The following AK8 variants were observed in gnomAD, a reference collection of about 807,000 sequenced individuals.
The protein encoded by AK8 is adenylate kinase 8.
Under a neutral mutation model 54.6 loss-of-function variants are expected in AK8, and 44 were observed. That is an observed-to-expected ratio of 0.81 (90% confidence interval 0.63 to 1.04). The LOEUF (loss-of-function observed/expected upper bound fraction) is 1.04. AK8 is among the 50% of genes least tolerant of loss of function. The pLI, the probability that AK8 is intolerant of heterozygous loss-of-function variation, is 0.00. For missense variants in AK8, 555 were observed against 613.6 expected, an observed-to-expected ratio of 0.90 and a Z score of 1.01; for synonymous variants, 239 against 245.6, an observed-to-expected ratio of 0.97 and a Z score of 0.25.
chr9:132,726,899 G>A (rs111704679), intron 12 of AK8, among the ~76,000 whole-genome samples: 95 of 123,178 alleles, frequency 7.7e-4, no homozygotes, highest in African/African-American at 2.6e-3. Flanking sequence ...CCACTCCTGC[G>A]TCCCTACCAA....
chr9:132,748,966 C>T (rs1300053847), intron 11 of AK8, among the ~76,000 whole-genome samples: 1 of 151,836 alleles, frequency 6.6e-6, no homozygotes, highest in African/African-American at 2.4e-5. Flanking sequence ...CCTCCGCCTC[C>T]CGGGTTCAAG....
intron 3 of AK8, 113 bp downstream of exon 3, chr9:132,866,791 G>A (rs978447390): frequency 2.9e-6 from 3 of 1,042,072 alleles, no homozygotes; most frequent in Non-Finnish European, 4.4e-6. Context: ...GGAGGAGAAG[G>A]AAAAGAAGAA....
intron 11 of AK8, among the ~76,000 whole-genome samples, chr9:132,751,279 G>A (rs1445006399): frequency 6.6e-6 from 1 of 150,834 alleles, no homozygotes; most frequent in Non-Finnish European, 1.5e-5. Flanking sequence ...AGCTACTCAG[G>A]AGGCTGAGGC....
intron 10 of AK8, among the ~76,000 whole-genome samples, chr9:132,812,818 T>G (rs1325005324): frequency 6.6e-6 from 1 of 152,142 alleles, no homozygotes; most frequent in Non-Finnish European, 1.5e-5. Flanking sequence ...TGGTGCCTCC[T>G]ACATCCACCT....
chr9:132,760,058 G>A (rs1838380359), intron 11 of AK8, among the ~76,000 whole-genome samples: 1 of 152,206 alleles, frequency 6.6e-6, no homozygotes, highest in Non-Finnish European at 1.5e-5. Flanking sequence ...CCATGAACGA[G>A]ACATTGCCTC....
Position 132,810,180 on chromosome 9 carries a change from T to C in AK8, c.979+4458A>G, listed in dbSNP as rs185841143. Among the ~76,000 whole-genome samples, 9 of 152,356 alleles carry C rather than the reference T, an allele frequency of 5.9e-5. No homozygotes were observed. The South Asian group carries it at 6.2e-4, about 11-fold the overall frequency. ...GAATTTATTGCTTCCGTTAGGGAGA[T>C]ATGATATTGGTTGTTGTTGTGTCTT... On this transcript the variant is annotated intron_variant, in intron 10 of 12. Transcript: ENST00000298545.
At chr9:132,801,179 C>T (rs756123136) in intron 10 of AK8, among the ~76,000 whole-genome samples, 5 of 152,128 alleles carry the variant, frequency 3.3e-5, no homozygotes, top group Admixed American at 6.5e-5. Flanking sequence ...CTGCCTGCCT[C>T]GGCCTCCCAA....
chr9:132,831,847 G>A (rs1268288910), intron 5 of AK8, among the ~76,000 whole-genome samples: 2 of 151,880 alleles, frequency 1.3e-5, no homozygotes, highest in Non-Finnish European at 2.9e-5. Flanking sequence ...TGGATGCCAG[G>A]AATTTCAAAC....
intron 9 of AK8, among the ~76,000 whole-genome samples, chr9:132,820,661 G>T (rs1323168456): frequency 6.6e-6 from 1 of 152,234 alleles, no homozygotes; most frequent in Non-Finnish European, 1.5e-5. Context: ...AGAAAGTCGT[G>T]TCCGTATATA....
chr9:132,841,665 C>T (rs933614823), intron 5 of AK8, among the ~76,000 whole-genome samples: 1 of 152,214 alleles, frequency 6.6e-6, no homozygotes, highest in Non-Finnish European at 1.5e-5. Flanking sequence ...AAATTCCTTC[C>T]TCCATCTGGG....
intron 5 of AK8, among the ~76,000 whole-genome samples, chr9:132,836,406 C>T (rs1174451587): frequency 2.0e-5 from 3 of 152,194 alleles, no homozygotes; most frequent in Admixed American, 1.3e-4. Flanking sequence ...TCTCTACCTA[C>T]TTCCAAGGAG....
At chr9:132,752,274 C>T (rs1479977362) in intron 11 of AK8, among the ~76,000 whole-genome samples, 22 of 126,168 alleles carry the variant, frequency 1.7e-4, no homozygotes, top group African/African-American at 6.5e-4. Context: ...TTTTTTGAGA[C>T]GGAGTCTCGC....
intron 9 of AK8, among the ~76,000 whole-genome samples, chr9:132,815,181 G>A (rs1003830363): frequency 1.8e-4 from 27 of 152,238 alleles, no homozygotes. Context: ...GGGGTGCAGT[G>A]TGTTGCTTCC....
chr9:132,733,282 C>T (rs531479462), intron 11 of AK8, among the ~76,000 whole-genome samples: 6 of 151,950 alleles, frequency 3.9e-5, no homozygotes, highest in Non-Finnish European at 7.4e-5. Context: ...GGTGTCGCAG[C>T]GGCTTTCATC....
intron 10 of AK8, among the ~76,000 whole-genome samples, chr9:132,809,573 A>G (rs1024644721): frequency 6.6e-6 from 1 of 152,124 alleles, no homozygotes; most frequent in Non-Finnish European, 1.5e-5. Context: ...TGTCCCCACC[A>G]CTGGAGTATG....
At chr9:132,814,845 A>G in intron 9 of AK8, 118 bp from the exon 10 acceptor site, 1 of 796,698 alleles carries the variant, frequency 1.3e-6, no homozygotes. Context: ...TGAAAAAAGC[A>G]TAAAAGGGTT....
At chr9:132,760,308 A>AG (rs1418730171) in intron 11 of AK8, among the ~76,000 whole-genome samples, 1 of 151,994 alleles carries the variant, frequency 6.6e-6, no homozygotes, top group African/African-American at 2.4e-5. Flanking sequence ...TCAGTCTCCC[A>AG]GTAGCTGAGA....
chr9:132,848,146 T>C (rs1159653940), intron 5 of AK8, among the ~76,000 whole-genome samples: 1 of 81,804 alleles, frequency 1.2e-5, no homozygotes, highest in African/African-American at 3.3e-5. Context: ...AAAAAAAAGA[T>C]TGAAGAGAAG....
intron 11 of AK8, among the ~76,000 whole-genome samples, chr9:132,749,892 T>C (rs1468683263): frequency 6.7e-6 from 1 of 149,906 alleles, no homozygotes; most frequent in Non-Finnish European, 1.5e-5. Flanking sequence ...GGGGCTGGTG[T>C]TGGGGTGGGC....
Sources: gnomAD v4.1 joint callset for allele counts (sites outside exome capture counted in the v4.1 genomes callset) on GRCh38, gnomAD v4.1.1 for gene constraint, MANE v1.5 for transcripts, NCBI Gene and HGNC (gene_info 2026-07-23, HGNC 2026-07-21) for gene names.